DEAF1: variants seen among roughly 807,000 people sequenced by gnomAD.
The protein encoded by DEAF1 is deformed epidermal autoregulatory factor 1 homolog.
Under a neutral mutation model 58.9 loss-of-function variants are expected in DEAF1, and 53 were observed. That is an observed-to-expected ratio of 0.90 (90% CI 0.72 to 1.13). The LOEUF (loss-of-function observed/expected upper bound fraction) is 1.13, where lower values mean the gene tolerates loss of function less well. Among genes scored for constraint, DEAF1 ranks in the 50% most tolerant of loss-of-function variants. The probability of loss-of-function intolerance (pLI) is 0.00; values close to 1 mark genes in which losing one functional copy is unlikely to be tolerated. For synonymous variants in DEAF1, 385 were observed against 340.4 expected, an observed-to-expected ratio of 1.13 and a Z score of -1.44; for missense variants, 685 against 791.4, an observed-to-expected ratio of 0.87 and a Z score of 1.61.
chr11:694,730 C>G, intron 1 of DEAF1, 29 bp downstream of exon 1: 1 of 1,290,052 alleles, frequency 7.8e-7, no homozygotes, highest in Non-Finnish European at 9.8e-7. Context: ...GGGAACCGGA[C>G]GAGGCGAGAG....
At chr11:663,969 T>C (rs1461213241) in intron 10 of DEAF1, among the ~76,000 whole-genome samples, 2 of 152,136 alleles carry the variant, frequency 1.3e-5, no homozygotes, top group South Asian at 4.1e-4. Context: ...TCCCAGCTCT[T>C]TGGGAGGCTG....
chr11:684,275 G>T lies in DEAF1; in HGVS notation c.870+623C>A, dbSNP rs1211766021. 2.0e-5 allele frequency among the ~76,000 whole-genome samples: 3 copies of T among 152,096 alleles called. No individual in the cohort carries two copies. The East Asian group carries it at 5.8e-4, about 29-fold the overall frequency. On this transcript the variant is annotated intron_variant, in intron 6 of 11. Coordinates refer to ENST00000382409, the MANE Select transcript of DEAF1 (RefSeq NM_021008.4). Reference sequence around the variant, plus strand: ...TCTACTAAAAATACAAAAATTAGCTGGGCATTGTGGCACATGCCTGTAATC... The same window carrying T: ...TCTACTAAAAATACAAAAATTAGCTTGGCATTGTGGCACATGCCTGTAATC...
intron 2 of DEAF1, among the ~76,000 whole-genome samples, chr11:689,432 CCAT>C (rs944602800): frequency 6.6e-6 from 1 of 151,866 alleles, no homozygotes; most frequent in African/African-American, 2.4e-5. Context: ...AGGATGGTCT[CCAT>C]CTTCTGACCT....
chr11:684,547 CAT>C (rs531658626), intron 6 of DEAF1, among the ~76,000 whole-genome samples: 2 of 152,128 alleles, frequency 1.3e-5, no homozygotes, highest in African/African-American at 2.4e-5. Flanking sequence ...ATTTTTCTGA[CAT>C]GTTACAAAAT....
intron 5 of DEAF1, 47 bp downstream of exon 5, chr11:686,811 C>T: frequency 4.3e-6 from 7 of 1,612,588 alleles, no homozygotes; most frequent in Non-Finnish European, 5.9e-6. Context: ...TCAGAGGGCC[C>T]CACGTCTGAA....
At chr11:680,760 G>A (rs1455993912) in intron 7 of DEAF1, among the ~76,000 whole-genome samples, 1 of 152,248 alleles carries the variant, frequency 6.6e-6, no homozygotes, top group African/African-American at 2.4e-5. Flanking sequence ...GGGTCCCAGG[G>A]AAGCAAGACC....
chr11:687,354 C>T (rs1040303894), intron 4 of DEAF1, among the ~76,000 whole-genome samples: 6 of 152,130 alleles, frequency 3.9e-5, no homozygotes, highest in South Asian at 2.1e-4. Context: ...CTTCTTCTCG[C>T]TTGTCTCCTG....
intron 10 of DEAF1, among the ~76,000 whole-genome samples, chr11:670,771 G>GTTTTTTTTTTT (rs199899292): frequency 6.6e-5 from 3 of 45,288 alleles, no homozygotes; most frequent in African/African-American, 2.3e-4. Context: ...TTTTCTTTTT[G>GTTTTTTTTTTT]TTTTTGTTTT....
chr11:678,786 C>T lies in DEAF1; in HGVS notation c.1163G>A (p.Ser388Asn). Residue 388 changes from serine (S) to asparagine (N), a missense_variant, in exon 9 of 12, where the codon AGC becomes AAC. Physicochemically the swap from Ser to Asn is conservative, Grantham distance 46. Coordinates refer to ENST00000382409, the MANE Select transcript of DEAF1 (RefSeq NM_021008.4). ...EASVQPPCRASHPEPHYPGYQ... is the reference protein window; with the variant it reads ...EASVQPPCRANHPEPHYPGYQ... ...GCCGGGGTAGTGAGGCTCAGGGTGG[C>T]TGGCCCTGCATGGGGGCTGCACGCT... 1 of 1,614,116 alleles carries T rather than the reference C, an allele frequency of 6.2e-7. No individual in the cohort carries two copies. The highest frequency in any genetic ancestry group is 8.5e-7 in the Non-Finnish European group (1 of 1,179,980).
intron 1 of DEAF1, chr11:703,021 C>G (rs377598603): frequency 7.4e-6 from 12 of 1,612,564 alleles, no homozygotes; most frequent in Non-Finnish European, 1.0e-5. Flanking sequence ...CCGCCCTCCT[C>G]TCTGCCCACT....
intron 1 of DEAF1, chr11:703,069 G>C: frequency 6.2e-7 from 1 of 1,612,708 alleles, no homozygotes; most frequent in Non-Finnish European, 8.5e-7. Context: ...GGGCGGACTG[G>C]GCCCTCAGCG....
chr11:662,831 C>T (rs926311440), intron 10 of DEAF1, among the ~76,000 whole-genome samples: 13 of 152,196 alleles, frequency 8.5e-5, no homozygotes, highest in Admixed American at 2.0e-4. Context: ...GGCACAACCA[C>T]GTCTGCAAGT....
rs141131971 is a variant in DEAF1, at chr11:679,136, C to T, written c.1127-314G>A. 9.3e-4 allele frequency among the ~76,000 whole-genome samples: 142 copies of T among 152,128 alleles called. No individual in the cohort carries two copies. The East Asian group carries it at 0.021, about 23-fold the overall frequency. ...GACCATCCTGGCTAACATGGTGAAACGCTGTCTCTACTAAAAATACCAAAA... is the reference window on the plus strand; with the variant it reads ...GACCATCCTGGCTAACATGGTGAAATGCTGTCTCTACTAAAAATACCAAAA... On this transcript the variant is annotated intron_variant, in intron 8 of 11. Transcript: ENST00000382409.
At chr11:704,400 T>C (rs1164909248) in intron 1 of DEAF1, 2 of 1,235,950 alleles carry the variant, frequency 1.6e-6, no homozygotes, top group South Asian at 2.5e-5. Flanking sequence ...GAGCACCCAG[T>C]TGTCCTGGGC....
At chr11:646,446 A>G (rs534999747) in intron 11 of DEAF1, 1 of 151,836 alleles carries the variant, frequency 6.6e-6, no homozygotes, top group Non-Finnish European at 1.5e-5. Context: ...AGGGGCCTGC[A>G]CCCCTCATGG....
chr11:670,197 T>C (rs1859749785), intron 10 of DEAF1, among the ~76,000 whole-genome samples: 1 of 151,960 alleles, frequency 6.6e-6, no homozygotes, highest in South Asian at 2.1e-4. Flanking sequence ...CATGCATTCA[T>C]CAAAACTCAC....
intron 5 of DEAF1, among the ~76,000 whole-genome samples, chr11:685,986 A>T (rs991042902): frequency 6.6e-6 from 1 of 151,596 alleles, no homozygotes; most frequent in Non-Finnish European, 1.5e-5. Context: ...CCTATTAAAA[A>T]ATACAAAAAA....
intron 10 of DEAF1, among the ~76,000 whole-genome samples, chr11:671,158 G>A (rs1859808642): frequency 1.3e-5 from 2 of 151,612 alleles, no homozygotes; most frequent in Admixed American, 1.3e-4. Flanking sequence ...TCGATCTCCT[G>A]ACCTCGTGAT....
rs746012451 is a variant in DEAF1, at chr11:691,514, G to C, written c.374C>G (p.Ser125Ter). Residue 125 changes from serine to a stop codon, truncating the protein, a stop_gained, in exon 2 of 12, where the codon TCA (serine) becomes TGA (stop). Coordinates refer to ENST00000382409, the MANE Select transcript of DEAF1 (RefSeq NM_021008.4). LOFTEE classifies it high-confidence loss of function. ...TTSVANAASI[S>*]GHVLSGRTAL... ...GGAGCAGCTTACCAGAACATGTCCT[G>C]AGATGGATGCCGCGTTCGCCACAGA... The C allele has an allele frequency of 1.2e-6, 2 of 1,612,890 alleles. No homozygotes were observed. The highest frequency in any genetic ancestry group is 1.7e-6 in the Non-Finnish European group (2 of 1,180,014).
Sources: gnomAD v4.1 joint callset for allele counts (sites outside exome capture counted in the v4.1 genomes callset) on GRCh38, gnomAD v4.1.1 for gene constraint, MANE v1.5 for transcripts, NCBI Gene and HGNC (gene_info 2026-07-23, HGNC 2026-07-21) for gene names.